Variants in ABTB3 observed in about 807,000 individuals in gnomAD.
ABTB3 encodes ankyrin repeat and BTB domain containing 3.
the ABTB3 span, among the ~76,000 whole-genome samples, chr12:107,398,208 G>C: frequency 6.6e-6 from 1 of 152,084 alleles, no homozygotes; most frequent in South Asian, 2.1e-4. Flanking sequence ...CTGATGCATC[G>C]AGCAGGGCCA....
At chr12:107,389,880 G>GTA in the ABTB3 span, among the ~76,000 whole-genome samples, 84 of 134,768 alleles carry the variant, frequency 6.2e-4, no homozygotes, top group African/African-American at 2.1e-3. Context: ...GTGTGTGTGT[G>GTA]TGTATGTATC....
the ABTB3 span, among the ~76,000 whole-genome samples, chr12:107,438,453 G>T: frequency 6.6e-6 from 1 of 152,222 alleles, no homozygotes; most frequent in Non-Finnish European, 1.5e-5. Context: ...TTCTGGTGGA[G>T]CTGTGTGTGA....
the ABTB3 span, among the ~76,000 whole-genome samples, chr12:107,548,872 A>G: frequency 6.6e-6 from 1 of 152,348 alleles, no homozygotes; most frequent in African/African-American, 2.4e-5. Flanking sequence ...GGATGATTTT[A>G]GTAATTTATT....
the ABTB3 span, chr12:107,649,084 G>A: frequency 1.2e-6 from 1 of 815,164 alleles, no homozygotes; most frequent in Admixed American, 2.2e-5. Flanking sequence ...ATGGAAATGG[G>A]CAACCATTTG....
At chr12:107,549,614 A>G in the ABTB3 span, among the ~76,000 whole-genome samples, 57,666 of 152,050 alleles carry the variant, frequency 0.38, 11,085 homozygotes, top group African/African-American at 0.39. Context: ...TATGGGTAGA[A>G]GATTAACAAA....
the ABTB3 span, among the ~76,000 whole-genome samples, chr12:107,553,912 C>G: frequency 6.6e-6 from 1 of 152,022 alleles, no homozygotes; most frequent in African/African-American, 2.4e-5. Flanking sequence ...TGCAGTCCAG[C>G]CTGAGTGACA....
chr12:107,512,235 C>A, the ABTB3 span, among the ~76,000 whole-genome samples: 1 of 152,206 alleles, frequency 6.6e-6, no homozygotes, highest in African/African-American at 2.4e-5. Context: ...TTATTTCCAA[C>A]AGATTTTGAG....
the ABTB3 span, among the ~76,000 whole-genome samples, chr12:107,498,210 T>C: frequency 1.3e-5 from 2 of 152,232 alleles, no homozygotes; most frequent in African/African-American, 4.8e-5. Flanking sequence ...ATTTCTGCAT[T>C]AAATTCTGGA....
chr12:107,382,454 CTGTT>C, the ABTB3 span, among the ~76,000 whole-genome samples: 3 of 152,168 alleles, frequency 2.0e-5, no homozygotes, highest in East Asian at 1.9e-4. Flanking sequence ...ATTTTGCTCT[CTGTT>C]TGTCTATTAT....
the ABTB3 span, among the ~76,000 whole-genome samples, chr12:107,644,599 C>T: frequency 3.3e-5 from 5 of 152,298 alleles, no homozygotes; most frequent in South Asian, 2.1e-4. Flanking sequence ...TCTGATTCTG[C>T]AGGTGTGAAA....
the ABTB3 span, among the ~76,000 whole-genome samples, chr12:107,358,217 A>G: frequency 6.6e-6 from 1 of 152,250 alleles, no homozygotes; most frequent in Non-Finnish European, 1.5e-5. Flanking sequence ...TAAGTGCTAC[A>G]GAGAAAAATG....
At chr12:107,617,073 C>T in the ABTB3 span, 30 of 1,613,162 alleles carry the variant, frequency 1.9e-5, 1 homozygote, top group East Asian at 4.0e-4. Flanking sequence ...TCTCAATGGC[C>T]GCTCTTCCTC....
At chr12:107,530,660 C>T in the ABTB3 span, among the ~76,000 whole-genome samples, 1 of 152,044 alleles carries the variant, frequency 6.6e-6, no homozygotes, top group African/African-American at 2.4e-5. Flanking sequence ...TTTGGTATTG[C>T]AGTTCTATGT....
chr12:107,522,177 C>T, the ABTB3 span, among the ~76,000 whole-genome samples: 1 of 152,050 alleles, frequency 6.6e-6, no homozygotes, highest in Non-Finnish European at 1.5e-5. Flanking sequence ...CCCTCATGGA[C>T]TCATCTAACC....
At chr12:107,355,061 G>C in the ABTB3 span, among the ~76,000 whole-genome samples, 1 of 152,180 alleles carries the variant, frequency 6.6e-6, no homozygotes, top group Non-Finnish European at 1.5e-5. Context: ...TTTATTGCCA[G>C]TAATGTTTGA....
At chr12:107,540,743 G>A in the ABTB3 span, among the ~76,000 whole-genome samples, 1 of 152,094 alleles carries the variant, frequency 6.6e-6, no homozygotes, top group Non-Finnish European at 1.5e-5. Flanking sequence ...CAGTACTTTG[G>A]GAGGCTGAGG....
chr12:107,583,781 A>C, the ABTB3 span, among the ~76,000 whole-genome samples: 1 of 152,218 alleles, frequency 6.6e-6, no homozygotes, highest in Non-Finnish European at 1.5e-5. Flanking sequence ...CAGGATGTGA[A>C]TGTGATGTGC....
the ABTB3 span, among the ~76,000 whole-genome samples, chr12:107,562,312 A>C: frequency 6.6e-6 from 1 of 152,268 alleles, no homozygotes; most frequent in Non-Finnish European, 1.5e-5. Context: ...AACCAAGAAC[A>C]ACTTCTGAAA....
At chr12:107,540,909 G>C in the ABTB3 span, among the ~76,000 whole-genome samples, 1 of 152,182 alleles carries the variant, frequency 6.6e-6, no homozygotes. Flanking sequence ...GCTTAAGTGG[G>C]AGGATCGCTT....
Sources: allele counts gnomAD v4.1 joint callset (sites outside exome capture counted in the v4.1 genomes callset), GRCh38; gene constraint gnomAD v4.1.1; transcripts MANE v1.5; gene names NCBI Gene and HGNC (gene_info 2026-07-23, HGNC 2026-07-21).